The following ZNRF3 variants were observed in gnomAD, a reference collection of about 807,000 sequenced individuals.
The protein encoded by ZNRF3 is zinc and ring finger 3, also known as E3 ubiquitin-protein ligase ZNRF3.
In ZNRF3, 23 loss-of-function variants were observed where a neutral mutation model predicts 72.5. The observed-to-expected ratio is 0.32, with a 90% CI of 0.23 to 0.45. ZNRF3 has a LOEUF of 0.45. Ranked by LOEUF, ZNRF3 falls within the 20% of genes least tolerant of loss-of-function variation. The probability of loss-of-function intolerance (pLI) is 1.00; values close to 1 mark genes in which losing one functional copy is unlikely to be tolerated. For synonymous variants in ZNRF3, 610 were observed against 545.3 expected, an observed-to-expected ratio of 1.12 and a Z score of -1.65; for missense variants, 1,169 against 1,272.1, an observed-to-expected ratio of 0.92 and a Z score of 1.23.
At chr22:28,951,432 G>T (rs1370542698) in intron 1 of ZNRF3, among the ~76,000 whole-genome samples, 2 of 151,998 alleles carry the variant, frequency 1.3e-5, no homozygotes, top group Non-Finnish European at 2.9e-5. Flanking sequence ...GAAGATGGAG[G>T]CAGTGATTGG....
chr22:28,896,141 TTTTATC>T (rs2033991235), intron 1 of ZNRF3, among the ~76,000 whole-genome samples: 1 of 150,950 alleles, frequency 6.6e-6, no homozygotes, highest in African/African-American at 2.4e-5. Context: ...TTATTTTTAT[TTTTATC>T]TTTTTGAGAC....
rs775159221 is a variant in ZNRF3, at chr22:29,050,630, G to T, written c.2449G>T (p.Gly817Cys). The T allele has an allele frequency of 3.7e-6, 6 of 1,611,394 alleles. No homozygotes were observed. In the Admixed American group the frequency reaches 8.3e-5, roughly 22 times the overall value. The change falls in exon 8 of 9, where the codon GGC becomes TGC. Residue 817 changes from glycine to cysteine, a missense_variant. This residue lies in a region of ZNRF3 where 783 missense variants were observed against 731.4 expected (regional missense o/e 1.07). Coordinates refer to ENST00000544604, the MANE Select transcript of ZNRF3 (RefSeq NM_001206998.2). The part of the protein sequence containing the change: ...QYTLTEEPPP[G>C]CYPGARDLSQ... Reference sequence around the variant, plus strand: ...CACGCTCACCGAGGAACCACCGCCCGGCTGCTACCCCGGGGCCCGGGACCT... The same window carrying T: ...CACGCTCACCGAGGAACCACCGCCCTGCTGCTACCCCGGGGCCCGGGACCT...
chr22:29,050,245 G>A lies in ZNRF3; in HGVS notation c.2064G>A (p.Glu688=). 1 of 1,599,176 alleles carries A rather than the reference G, an allele frequency of 6.3e-7. No individual in the cohort carries two copies. The highest frequency in any genetic ancestry group is 8.5e-7 in the Non-Finnish European group (1 of 1,179,618). ...GCTCTACCTCAGAAGTGGGGCTCGAGGCTTCTCCTGGGGCCGCCCCTGACC... is the reference window on the plus strand; with the variant it reads ...GCTCTACCTCAGAAGTGGGGCTCGAAGCTTCTCCTGGGGCCGCCCCTGACC... ...PNSSTSEVGL[E]ASPGAAPDLR... Residue 688 remains glutamate (E), a synonymous_variant, in exon 8 of 9, where the codon GAG becomes GAA. Transcript: ENST00000544604.
At chr22:28,989,684 G>C (rs998880713) in intron 2 of ZNRF3, among the ~76,000 whole-genome samples, 42 of 152,266 alleles carry the variant, frequency 2.8e-4, no homozygotes, top group African/African-American at 1.0e-3. Context: ...GAAAACCCAC[G>C]AAGGGAGGAC....
chr22:28,952,980 C>G (rs1189286734), intron 1 of ZNRF3, among the ~76,000 whole-genome samples: 2 of 152,192 alleles, frequency 1.3e-5, no homozygotes, highest in Admixed American at 1.3e-4. Context: ...TTGTGATGAT[C>G]ACAGTGTGTA....
intron 1 of ZNRF3, among the ~76,000 whole-genome samples, chr22:28,979,584 G>A (rs1440735691): frequency 1.3e-5 from 2 of 152,216 alleles, no homozygotes; most frequent in African/African-American, 4.8e-5. Flanking sequence ...AACTGTAAGA[G>A]CTAGGTCTTT....
intron 4 of ZNRF3, among the ~76,000 whole-genome samples, chr22:29,043,925 C>T (rs753269288): frequency 6.6e-5 from 10 of 152,172 alleles, no homozygotes; most frequent in Non-Finnish European, 1.0e-4. Context: ...GGATTGAGTT[C>T]GACGGCTAAA....
intron 2 of ZNRF3, among the ~76,000 whole-genome samples, chr22:29,009,905 C>CTTTTT (rs57028204): frequency 1.7e-4 from 21 of 123,548 alleles, no homozygotes; most frequent in Non-Finnish European, 2.0e-4. Context: ...ACTTTTTCCT[C>CTTTTT]TTTTTTTTTT....
chr22:29,053,577 A>G lies in ZNRF3; in HGVS notation c.2768-2A>G, dbSNP rs776472367. 4 of 1,612,224 alleles carry G rather than the reference A, an allele frequency of 2.5e-6. No individual in the cohort carries two copies. The highest frequency in any genetic ancestry group is 1.7e-5 in the Admixed American group (1 of 59,818). On this transcript the variant is annotated splice_acceptor_variant, in intron 8 of 8. Coordinates refer to ENST00000544604, the MANE Select transcript of ZNRF3 (RefSeq NM_001206998.2). LOFTEE classifies it high-confidence loss of function. ...CTGATGATTGTTCTCTCTCTTTCCC[A>G]GGACCGAGATCTCACTCAGCAGACA...
At chr22:28,963,131 C>T (rs190127294) in intron 1 of ZNRF3, among the ~76,000 whole-genome samples, 5 of 152,330 alleles carry the variant, frequency 3.3e-5, no homozygotes, top group East Asian at 3.9e-4. Flanking sequence ...ACACACTAAA[C>T]GGGGAGTTGG....
intron 1 of ZNRF3, among the ~76,000 whole-genome samples, chr22:28,944,973 C>T (rs565996867): frequency 2.0e-5 from 3 of 148,846 alleles, no homozygotes; most frequent in South Asian, 2.1e-4. Context: ...AATAATAATA[C>T]TCATACTCCT....
chr22:28,904,543 T>C (rs1213344942), intron 1 of ZNRF3, among the ~76,000 whole-genome samples: 1 of 152,242 alleles, frequency 6.6e-6, no homozygotes, highest in Non-Finnish European at 1.5e-5. Context: ...CCGCCTTTGA[T>C]GTTCCCAAAT....
chr22:29,031,341 C>T (rs11703054), intron 2 of ZNRF3: 35,741 of 152,248 alleles, frequency 0.23, 5,178 homozygotes, highest in Middle Eastern at 0.33. Flanking sequence ...TTTGCCTCTC[C>T]TCTTCTACCA....
chr22:28,990,359 A>T (rs1037999009), intron 2 of ZNRF3, among the ~76,000 whole-genome samples: 1 of 152,222 alleles, frequency 6.6e-6, no homozygotes, highest in South Asian at 2.1e-4. Context: ...TTAAAATAGA[A>T]TAAAATTGAC....
intron 5 of ZNRF3, 142 bp downstream of exon 5, chr22:29,045,032 C>T: frequency 4.6e-6 from 3 of 648,248 alleles, no homozygotes; most frequent in Non-Finnish European, 8.2e-6. Flanking sequence ...AGCCTGTTCC[C>T]AGTGGCCTAG....
intron 1 of ZNRF3, among the ~76,000 whole-genome samples, chr22:28,973,759 TA>T (rs570538251): frequency 6.6e-6 from 1 of 151,970 alleles, no homozygotes; most frequent in African/African-American, 2.4e-5. Flanking sequence ...GAAAGAAATT[TA>T]AAAAAAAGAA....
At chr22:29,006,213 CTTTTTTTT>C (rs372438825) in intron 2 of ZNRF3, among the ~76,000 whole-genome samples, 5 of 106,522 alleles carry the variant, frequency 4.7e-5, no homozygotes, top group Admixed American at 4.4e-4. Flanking sequence ...TCATCCGTTT[CTTTTTTTT>C]TTTTTTTTTT....
chr22:28,981,991 TAAA>T (rs548196669), intron 1 of ZNRF3, among the ~76,000 whole-genome samples: 48 of 146,298 alleles, frequency 3.3e-4, no homozygotes, highest in African/African-American at 1.2e-3. Flanking sequence ...AGACTCCGTC[TAAA>T]AAAAAAAAGT....
At chr22:28,966,925 G>A (rs970905558) in intron 1 of ZNRF3, among the ~76,000 whole-genome samples, 7 of 140,868 alleles carry the variant, frequency 5.0e-5, no homozygotes, top group African/African-American at 1.4e-4. Context: ...AGGCTGGAGT[G>A]CAGTAGTGCA....
Sources: gnomAD v4.1 joint callset for allele counts (sites outside exome capture counted in the v4.1 genomes callset) on GRCh38, gnomAD v4.1.1 for gene constraint, gnomAD v4.1.1 regional missense constraint, MANE v1.5 for transcripts, NCBI Gene and HGNC (gene_info 2026-07-23, HGNC 2026-07-21) for gene names.